The following MEGF11 variants were observed in gnomAD, a reference collection of about 807,000 sequenced individuals.
MEGF11 encodes multiple epidermal growth factor-like domains protein 11.
In MEGF11, 126 loss-of-function variants were observed where a neutral mutation model predicts 146.6. The ratio of observed to expected loss-of-function variants is 0.86; its 90% CI spans 0.74 to 1.00. The LOEUF (loss-of-function observed/expected upper bound fraction) is 1.00. MEGF11 is among the 50% of genes least tolerant of loss of function. The probability of loss-of-function intolerance (pLI) is 0.00; values close to 1 mark genes in which losing one functional copy is unlikely to be tolerated. For synonymous variants in MEGF11, 532 were observed against 583.4 expected (o/e 0.91, Z 1.27); for missense variants, 1,509 against 1,521.2 (o/e 0.99, Z 0.13).
intron 13 of MEGF11, among the ~76,000 whole-genome samples, chr15:65,924,720 C>T (rs1036596959): frequency 2.0e-5 from 3 of 150,352 alleles, no homozygotes; most frequent in Admixed American, 6.7e-5. Flanking sequence ...CCTCTGCATC[C>T]GGGGTTCAAG....
chr15:66,151,963 G>A (rs994477763), intron 1 of MEGF11, among the ~76,000 whole-genome samples: 7 of 151,200 alleles, frequency 4.6e-5, no homozygotes, highest in African/African-American at 1.2e-4. Flanking sequence ...GCCATGGGGC[G>A]GGGGGCAGGG....
At chr15:66,083,298 T>C (rs1296111272) in intron 5 of MEGF11, among the ~76,000 whole-genome samples, 1 of 152,252 alleles carries the variant, frequency 6.6e-6, no homozygotes, top group Non-Finnish European at 1.5e-5. Flanking sequence ...AAATCTGTAT[T>C]TGTTTTAACT....
intron 5 of MEGF11, among the ~76,000 whole-genome samples, chr15:66,071,411 C>T (rs750391844): frequency 1.1e-4 from 17 of 152,252 alleles, no homozygotes; most frequent in Non-Finnish European, 2.2e-4. Context: ...TTGTTCTCTG[C>T]AACCCTTGGC....
intron 1 of MEGF11, among the ~76,000 whole-genome samples, chr15:66,141,875 A>C (rs2089182889): frequency 6.6e-6 from 1 of 152,128 alleles, no homozygotes; most frequent in Admixed American, 6.5e-5. Context: ...GCTTTGAGGA[A>C]TCTAGGGAGA....
chr15:66,103,976 G>A (rs1156548887), intron 4 of MEGF11, among the ~76,000 whole-genome samples: 1 of 152,246 alleles, frequency 6.6e-6, no homozygotes, highest in Non-Finnish European at 1.5e-5. Flanking sequence ...CTTCCTAGCT[G>A]TGGGTCCTTC....
intron 5 of MEGF11, among the ~76,000 whole-genome samples, chr15:66,081,096 T>G (rs1158866383): frequency 6.6e-6 from 1 of 152,148 alleles, no homozygotes; most frequent in Non-Finnish European, 1.5e-5. Flanking sequence ...AGCATAGGGC[T>G]CAGCAGGAGC....
intron 13 of MEGF11, among the ~76,000 whole-genome samples, chr15:65,926,737 C>T (rs1157650376): frequency 6.6e-6 from 1 of 152,190 alleles, no homozygotes. Context: ...ACAGCAGAGG[C>T]CTTGCTGAAA....
At chr15:66,157,783 C>T (rs932340613) in intron 1 of MEGF11, among the ~76,000 whole-genome samples, 5 of 152,216 alleles carry the variant, frequency 3.3e-5, no homozygotes, top group African/African-American at 1.2e-4. Context: ...CAGCTTTAAT[C>T]AGTTCCCAGC....
intron 1 of MEGF11, among the ~76,000 whole-genome samples, chr15:66,180,620 G>GA (rs34491663): frequency 0.13 from 19,458 of 152,096 alleles, 2,082 homozygotes; most frequent in African/African-American, 0.29. Flanking sequence ...CTCTCTGGCA[G>GA]AAAAAAAGGA....
At chr15:66,204,669 A>G (rs2091255205) in intron 1 of MEGF11, among the ~76,000 whole-genome samples, 1 of 152,220 alleles carries the variant, frequency 6.6e-6, no homozygotes, top group East Asian at 1.9e-4. Context: ...AAACTTGCAC[A>G]TGCAGAAGCA....
intron 5 of MEGF11, among the ~76,000 whole-genome samples, chr15:66,069,915 T>C (rs2085293967): frequency 6.6e-6 from 1 of 152,248 alleles, no homozygotes; most frequent in Non-Finnish European, 1.5e-5. Context: ...GGGATGGCTG[T>C]GTTCCAATAA....
intron 1 of MEGF11, among the ~76,000 whole-genome samples, chr15:66,147,964 T>C (rs1442010623): frequency 6.6e-6 from 1 of 152,176 alleles, no homozygotes; most frequent in African/African-American, 2.4e-5. Flanking sequence ...TTTGGAGCCA[T>C]GCATGGGAGC....
At position 65,982,639 on chromosome 15, in the gene MEGF11, C is replaced by T. The variant is rs1379258424; in HGVS notation, c.395-151G>A. 6.6e-6 allele frequency among the ~76,000 whole-genome samples: 1 copy of T among 152,212 alleles called. No individual in the cohort carries two copies. Among genetic ancestry groups the T allele is most frequent in the Non-Finnish European group, 1.5e-5 (1 of 68,040 alleles). ...GGGGTGCCTGGAAGCTTTGGTGCCT[C>T]ATAACCTGCATCAGTTCTTCCACCA... On this transcript the variant is annotated intron_variant, in intron 5 of 25. Coordinates refer to ENST00000395614, the MANE Select transcript of MEGF11 (RefSeq NM_001385028.1). This position sits in a 1 kb window ranked among gnomAD's most constrained non-coding sequence, Gnocchi z 5.6.
At chr15:66,104,167 T>C (rs1214439423) in intron 4 of MEGF11, among the ~76,000 whole-genome samples, 2 of 152,254 alleles carry the variant, frequency 1.3e-5, no homozygotes. Flanking sequence ...AGGAAGGTCT[T>C]CATCTAGAAT....
intron 5 of MEGF11, among the ~76,000 whole-genome samples, chr15:66,088,088 A>T (rs1348218999): frequency 6.6e-6 from 1 of 152,252 alleles, no homozygotes; most frequent in Non-Finnish European, 1.5e-5. Flanking sequence ...GCGACGGATA[A>T]ATTCCTGGAA....
Position 66,166,480 on chromosome 15 carries a change from C to T in MEGF11, c.-8-38069G>A, listed in dbSNP as rs191797922. On this transcript the variant is annotated intron_variant, in intron 1 of 25. Transcript: ENST00000395614. ...CAGGGAGAGCTTTAAAGATATAAAT[C>T]AGATCACACTGCTCCACTGCTTAAT... Among the ~76,000 whole-genome samples the T allele has an allele frequency of 9.1e-4, 139 of 152,246 alleles. 1 individual carries two copies. Among genetic ancestry groups the T allele is most frequent in the African/African-American group, 3.2e-3 (133 of 41,544 alleles).
Position 65,970,554 on chromosome 15 carries a change from T to C in MEGF11, c.898A>G (p.Arg300Gly), listed in dbSNP as rs1278978732. The change falls in exon 8 of 26, where the codon AGG becomes GGG. Residue 300 changes from arginine to glycine, a missense_variant and splice_region_variant. Transcript: ENST00000395614. ...CHCTAGYMGD[R>G]CQEECPFGSF... ...GATAACAGTTAACACTATCCTTACCTGTCCCCCATGTATCCAGCTGTACAG... is the reference window on the plus strand; with the variant it reads ...GATAACAGTTAACACTATCCTTACCCGTCCCCCATGTATCCAGCTGTACAG... The C allele has an allele frequency of 6.2e-7, 1 of 1,613,896 alleles. No individual in the cohort carries two copies. Among genetic ancestry groups the C allele is most frequent in the African/African-American group, 1.3e-5 (1 of 75,056 alleles).
At chr15:66,205,877 AT>A (rs2091287074) in intron 1 of MEGF11, among the ~76,000 whole-genome samples, 1 of 152,244 alleles carries the variant, frequency 6.6e-6, no homozygotes, top group African/African-American at 2.4e-5. Flanking sequence ...TAACATGAAA[AT>A]GTCCAGGTTT....
chr15:66,058,265 C>T (rs1158181938), intron 5 of MEGF11, among the ~76,000 whole-genome samples: 1 of 152,158 alleles, frequency 6.6e-6, no homozygotes, highest in Non-Finnish European at 1.5e-5. Context: ...TATCAGAATA[C>T]AGGCTGTGCG....
Sources: gnomAD v4.1 joint callset for allele counts (sites outside exome capture counted in the v4.1 genomes callset) on GRCh38, gnomAD v4.1.1 for gene constraint, Gnocchi (gnomAD v3.1) non-coding constraint, MANE v1.5 for transcripts, NCBI Gene and HGNC (gene_info 2026-07-23, HGNC 2026-07-21) for gene names.